ADAM23: variants seen among roughly 807,000 people sequenced by gnomAD.
ADAM23 encodes ADAM metallopeptidase domain 23.
ADAM23 carries 33 observed loss-of-function variants against 120.1 expected under a neutral mutation model. The observed-to-expected ratio is 0.27, with a 90% CI of 0.21 to 0.37. The LOEUF (loss-of-function observed/expected upper bound fraction) is 0.37, where lower values mean the gene tolerates loss of function less well. Among genes scored for constraint, ADAM23 ranks in the 10% least tolerant of loss-of-function variants. The probability of loss-of-function intolerance (pLI) is 1.00; values close to 1 mark genes in which losing one functional copy is unlikely to be tolerated. For missense variants in ADAM23, 862 were observed against 1,058.2 expected (o/e 0.81, Z 2.57); for synonymous variants, 367 against 375.2 (o/e 0.98, Z 0.25).
In ADAM23 at chr2:206,513,864, C is replaced by T. The variant is rs533357993; in HGVS notation, c.510-17021C>T. Among the ~76,000 whole-genome samples the T allele has an allele frequency of 1.1e-4, 16 of 152,318 alleles. No homozygotes were observed. The South Asian group carries it at 2.7e-3, about 26-fold the overall frequency. On this transcript the variant is annotated intron_variant, in intron 3 of 25. Coordinates refer to ENST00000264377, the MANE Select transcript of ADAM23 (RefSeq NM_003812.4). ...AATCCTAGAGCCCTTAAGAATTATG[C>T]GAAATCTGTTCTGCCTGTGCTCCAT...
chr2:206,477,499 C>CCCTGCAT (rs1160916090), intron 2 of ADAM23, among the ~76,000 whole-genome samples: 2 of 152,068 alleles, frequency 1.3e-5, no homozygotes, highest in Non-Finnish European at 2.9e-5. Flanking sequence ...GGCTATAAAA[C>CCCTGCAT]CCTGCATTCT....
intron 3 of ADAM23, among the ~76,000 whole-genome samples, chr2:206,510,019 A>G (rs938903406): frequency 4.6e-5 from 7 of 152,134 alleles, no homozygotes; most frequent in African/African-American, 1.4e-4. Flanking sequence ...GTCAGACCCA[A>G]TTGACTGCAG....
Position 206,445,542 on chromosome 2 carries a change from T to A in ADAM23, c.432+18T>A, listed in dbSNP as rs772368192. On this transcript the variant is annotated intron_variant, in intron 2 of 25. Coordinates refer to ENST00000264377, the MANE Select transcript of ADAM23 (RefSeq NM_003812.4). ...ATAATAAGGTAGGCAGGAGGCTGGC[T>A]ATGCAAAAGTAACTATCATGAAGAG... 1.9e-6 allele frequency: 3 copies of A among 1,588,544 alleles called. No homozygotes were observed. The East Asian group carries it at 6.7e-5, about 36-fold the overall frequency.
intron 9 of ADAM23, among the ~76,000 whole-genome samples, chr2:206,550,677 C>T (rs1697503561): frequency 6.6e-6 from 1 of 151,012 alleles, no homozygotes; most frequent in Non-Finnish European, 1.5e-5. Context: ...TCTCGGCTCA[C>T]TGCAAGCTCC....
At chr2:206,550,059 A>C (rs758123170) in intron 8 of ADAM23, 36 bp from the exon 9 acceptor site, 5 of 1,356,348 alleles carry the variant, frequency 3.7e-6, no homozygotes, top group Non-Finnish European at 5.2e-6. Context: ...TTTTATGTCA[A>C]TCACTATTCT....
rs540645451 is a variant in ADAM23 at position 206,594,794 on chromosome 2, G to A, written c.2136G>A (p.Thr712=). The A allele has an allele frequency of 9.9e-6, 16 of 1,614,180 alleles. No individual in the cohort carries two copies. In the Middle Eastern group the frequency reaches 4.9e-4, roughly 50 times the overall value. ...ATGTGGGCTATGTAGAAGATGGAAC[G>A]CCATGTGGCCCGTCTATGATGTGTT... is the stretch of plus-strand genomic sequence containing the variant. ...DTDVGYVEDG[T]PCGPSMMCLD... Residue 712 remains threonine (T), a synonymous_variant, in exon 23 of 26, where the codon ACG becomes ACA. Coordinates refer to ENST00000264377, the MANE Select transcript of ADAM23 (RefSeq NM_003812.4).
intron 22 of ADAM23, among the ~76,000 whole-genome samples, chr2:206,593,143 A>G (rs890223189): frequency 6.6e-6 from 1 of 152,202 alleles, no homozygotes; most frequent in African/African-American, 2.4e-5. Flanking sequence ...GGTTTGGAAG[A>G]TGGCTTAACA....
intron 3 of ADAM23, among the ~76,000 whole-genome samples, chr2:206,517,487 A>G (rs185746428): frequency 2.9e-4 from 44 of 152,238 alleles, no homozygotes; most frequent in African/African-American, 1.0e-3. Flanking sequence ...TACTCTGTGT[A>G]GGCAGCTATA....
At chr2:206,594,531 AT>A (rs1366869112) in intron 22 of ADAM23, among the ~76,000 whole-genome samples, 1 of 152,218 alleles carries the variant, frequency 6.6e-6, no homozygotes, top group African/African-American at 2.4e-5. Context: ...GTGTACTGTA[AT>A]AATGATAATG....
chr2:206,588,109 G>A lies in ADAM23; in HGVS notation c.1807G>A (p.Glu603Lys), dbSNP rs745464599. Reference sequence around the variant, plus strand: ...TCCCCAGGGCCGCTGCTACAATGGCGAGTGCAAGACCAGAGACAACCAGTG... The same window carrying A: ...TCCCCAGGGCCGCTGCTACAATGGCAAGTGCAAGACCAGAGACAACCAGTG... The part of the protein sequence containing the change: ...NQNQGRCYNG[E>K]CKTRDNQCQY... Residue 603 changes from glutamate to lysine, a missense_variant, in exon 20 of 26, where the codon GAG (glutamate) becomes AAG (lysine). Transcript: ENST00000264377. The A allele has an allele frequency of 2.5e-6, 4 of 1,614,098 alleles. No homozygotes were observed. Among genetic ancestry groups the A allele is most frequent in the East Asian group, 4.5e-5 (2 of 44,876 alleles).
At chr2:206,505,602 T>C (rs1225695584) in intron 3 of ADAM23, among the ~76,000 whole-genome samples, 1 of 152,074 alleles carries the variant, frequency 6.6e-6, no homozygotes, top group Non-Finnish European at 1.5e-5. Context: ...CCACACACTT[T>C]TAAACAACCA....
chr2:206,514,341 T>G (rs535513280), intron 3 of ADAM23, among the ~76,000 whole-genome samples: 1 of 152,234 alleles, frequency 6.6e-6, no homozygotes, highest in East Asian at 1.9e-4. Flanking sequence ...TTGGAATAAG[T>G]TGATTTCAAC....
At chr2:206,569,121 A>G (rs964723759) in intron 15 of ADAM23, among the ~76,000 whole-genome samples, 7 of 152,246 alleles carry the variant, frequency 4.6e-5, no homozygotes, top group Admixed American at 4.6e-4. Context: ...TGTAATGTAC[A>G]TGGCTAATTT....
rs1697421352 is a variant in ADAM23, at chr2:206,547,437, A to C, written c.729A>C (p.Thr243=). The change falls in exon 7 of 26, where the codon ACA becomes ACC. Residue 243 remains threonine, a synonymous_variant. Transcript: ENST00000264377. ...PLELVHDEKS[T]GRPHIIQKTL... is the part of the protein sequence containing the mutation. ...CAATTGTTTTGTTTCAGAAAAGCAC[A>C]GGTCGACCACATATAATCCAGAAAA... The C allele has an allele frequency of 6.2e-7, 1 of 1,611,880 alleles. No individual in the cohort carries two copies. The highest frequency in any genetic ancestry group is 1.3e-5 in the African/African-American group (1 of 74,834).
intron 22 of ADAM23, among the ~76,000 whole-genome samples, 178 bp downstream of exon 22, chr2:206,592,914 A>G (rs1698452609): frequency 6.6e-6 from 1 of 152,174 alleles, no homozygotes; most frequent in African/African-American, 2.4e-5. Flanking sequence ...AAAGTTGTAT[A>G]TTGACTTGCA....
chr2:206,578,977 T>C (rs1698172364), intron 18 of ADAM23, among the ~76,000 whole-genome samples: 1 of 152,222 alleles, frequency 6.6e-6, no homozygotes, highest in African/African-American at 2.4e-5. Flanking sequence ...TGATTTGCAT[T>C]TCCCTGATCA....
intron 17 of ADAM23, among the ~76,000 whole-genome samples, chr2:206,572,486 T>C (rs1369944655): frequency 6.6e-6 from 1 of 152,206 alleles, no homozygotes; most frequent in Admixed American, 6.5e-5. Context: ...GGGGGTACTA[T>C]GCATTATGGT....
intron 16 of ADAM23, 98 bp downstream of exon 16, chr2:206,570,909 C>T: frequency 1.9e-6 from 2 of 1,033,966 alleles, no homozygotes; most frequent in East Asian, 2.5e-5. Flanking sequence ...TGTGGTCTTA[C>T]TGCCTTTCTT....
chr2:206,548,131 G>A (rs1176613635), intron 7 of ADAM23, 150 bp from the exon 8 acceptor site: 4 of 640,504 alleles, frequency 6.2e-6, no homozygotes, highest in African/African-American at 5.5e-5. Flanking sequence ...TTGTGGTCAT[G>A]AGAGTGTGAA....
Sources: allele counts gnomAD v4.1 joint callset (sites outside exome capture counted in the v4.1 genomes callset), GRCh38; gene constraint gnomAD v4.1.1; transcripts MANE v1.5; gene names NCBI Gene and HGNC (gene_info 2026-07-23, HGNC 2026-07-21).